The following ZNF704 variants were observed in gnomAD, a reference collection of about 807,000 sequenced individuals.
ZNF704 encodes the protein glucocorticoid induced gene 1.
A neutral mutation model predicts 44.7 loss-of-function variants in ZNF704; 10 were observed. The observed-to-expected ratio is 0.22, with a 90% CI of 0.14 to 0.38. The LOEUF (loss-of-function observed/expected upper bound fraction) is 0.38, where lower values mean the gene tolerates loss of function less well. Among genes scored for constraint, ZNF704 ranks in the 10% least tolerant of loss-of-function variants. The probability of loss-of-function intolerance (pLI) is 1.00; values close to 1 mark genes in which losing one functional copy is unlikely to be tolerated. For synonymous variants in ZNF704, 211 were observed against 207.6 expected (o/e 1.02, Z -0.14); for missense variants, 390 against 545.5 (o/e 0.71, Z 2.84).
At chr8:80,698,160 AAC>A (rs1470115467) in intron 2 of ZNF704, among the ~76,000 whole-genome samples, 5 of 152,240 alleles carry the variant, frequency 3.3e-5, no homozygotes, top group Non-Finnish European at 5.9e-5. Flanking sequence ...TGTAAAAATG[AAC>A]AGTCTCTACC....
At chr8:80,762,014 T>A (rs1248308707) in intron 2 of ZNF704, among the ~76,000 whole-genome samples, 4 of 152,246 alleles carry the variant, frequency 2.6e-5, no homozygotes, top group Admixed American at 2.6e-4. Context: ...AAAGGACATC[T>A]TCATTTACTG....
At chr8:80,770,289 T>C (rs189591813) in intron 2 of ZNF704, among the ~76,000 whole-genome samples, 226 of 152,308 alleles carry the variant, frequency 1.5e-3, no homozygotes, top group African/African-American at 5.2e-3. Context: ...TGAGGATTCC[T>C]CACGATGTCC....
intron 7 of ZNF704, among the ~76,000 whole-genome samples, chr8:80,643,789 G>C (rs1041907004): frequency 6.6e-6 from 1 of 152,136 alleles, no homozygotes; most frequent in Non-Finnish European, 1.5e-5. Flanking sequence ...CATGAACCCT[G>C]TCAAGTAGGG....
At chr8:80,806,795 G>C (rs1807997741) in intron 2 of ZNF704, among the ~76,000 whole-genome samples, 1 of 152,202 alleles carries the variant, frequency 6.6e-6, no homozygotes, top group African/African-American at 2.4e-5. Context: ...TTAAAGAAAA[G>C]GCTGACACCA....
intron 2 of ZNF704, among the ~76,000 whole-genome samples, chr8:80,725,891 CT>C (rs1467577418): frequency 6.6e-6 from 1 of 152,004 alleles, no homozygotes; most frequent in Admixed American, 6.6e-5. Context: ...AAAGAAATTT[CT>C]TTTAAAAAGG....
At chr8:80,749,313 C>A (rs1330491025) in intron 2 of ZNF704, among the ~76,000 whole-genome samples, 1 of 152,134 alleles carries the variant, frequency 6.6e-6, no homozygotes, top group African/African-American at 2.4e-5. Flanking sequence ...CCTCGCCCCA[C>A]TTTTTGTCTT....
At chr8:80,641,548 TC>T in intron 8 of ZNF704, 71 bp from the exon 9 acceptor site, 1 of 792,176 alleles carries the variant, frequency 1.3e-6, no homozygotes. Context: ...AGCTCAAAAA[TC>T]CCTTGCAAGA....
chr8:80,768,071 AC>A (rs1389291353), intron 2 of ZNF704, among the ~76,000 whole-genome samples: 2 of 152,156 alleles, frequency 1.3e-5, no homozygotes, highest in Admixed American at 6.5e-5. Context: ...GCATGTTGCA[AC>A]ACAAGCTTTG....
chr8:80,866,652 G>A lies in ZNF704; in HGVS notation c.-22+7919C>T, dbSNP rs78979001. On this transcript the variant is annotated intron_variant, in intron 1 of 8. Coordinates refer to ENST00000327835, the MANE Select transcript of ZNF704 (RefSeq NM_001033723.3). The stretch of plus-strand genomic sequence containing the variant: ...GCTGATTGTTTCAGGAACATCAGAA[G>A]TTTGGATATTATACAATGACATGGG... Among the ~76,000 whole-genome samples the A allele has an allele frequency of 6.5e-3, 989 of 152,252 alleles. 10 individuals are homozygous for A. Among genetic ancestry groups the A allele is most frequent in the African/African-American group, 0.022 (926 of 41,558 alleles).
At chr8:80,661,901 C>A (rs886219682) in intron 6 of ZNF704, among the ~76,000 whole-genome samples, 1 of 152,054 alleles carries the variant, frequency 6.6e-6, no homozygotes, top group Non-Finnish European at 1.5e-5. Flanking sequence ...CTATAGCTAA[C>A]AACAATGTAT....
At chr8:80,659,872 A>G (rs1019796031) in intron 6 of ZNF704, among the ~76,000 whole-genome samples, 183 bp from the exon 7 acceptor site, 9 of 152,200 alleles carry the variant, frequency 5.9e-5, no homozygotes, top group Admixed American at 1.3e-4. Flanking sequence ...CTTTGTATAT[A>G]TACCTAAGCA....
intron 5 of ZNF704, 87 bp from the exon 6 acceptor site, chr8:80,665,169 G>A: frequency 6.9e-7 from 1 of 1,446,136 alleles, no homozygotes; most frequent in Non-Finnish European, 9.5e-7. Flanking sequence ...CCTCTGTCTG[G>A]AATGCTTTTC....
chr8:80,759,242 A>T (rs1428771479), intron 2 of ZNF704, among the ~76,000 whole-genome samples: 1 of 151,238 alleles, frequency 6.6e-6, no homozygotes, highest in Non-Finnish European at 1.5e-5. Context: ...GATGGACCCT[A>T]GAGTAACATT....
At chr8:80,667,251 T>G (rs1818209878) in intron 5 of ZNF704, among the ~76,000 whole-genome samples, 2 of 152,188 alleles carry the variant, frequency 1.3e-5, no homozygotes, top group Non-Finnish European at 2.9e-5. Flanking sequence ...GGCGATGGCT[T>G]TGGCTTGCAT....
rs999842101 is a variant in ZNF704 at position 80,823,278 on chromosome 8, G to A, written c.-21-1663C>T. ...ACAGCACACCAGGAGACTATATCCC[G>A]TGCCTGGCTCGGAGGGTCCCACACC... On this transcript the variant is annotated intron_variant, in intron 1 of 8. Transcript: ENST00000327835. Among the ~76,000 whole-genome samples the A allele has an allele frequency of 4.6e-5, 7 of 152,306 alleles. No individual in the cohort carries two copies. In the East Asian group the frequency reaches 9.6e-4, roughly 21 times the overall value.
intron 4 of ZNF704, among the ~76,000 whole-genome samples, chr8:80,681,054 T>A (rs946690822): frequency 6.6e-6 from 1 of 152,216 alleles, no homozygotes; most frequent in Non-Finnish European, 1.5e-5. Flanking sequence ...AGTAGTTTGC[T>A]CCCTTTTATG....
intron 2 of ZNF704, among the ~76,000 whole-genome samples, chr8:80,730,902 CAAAT>C (rs368802502): frequency 3.9e-5 from 6 of 152,154 alleles, no homozygotes; most frequent in East Asian, 3.9e-4. Flanking sequence ...ACTGAAGAAA[CAAAT>C]AGATTCATAT....
At position 80,699,902 on chromosome 8, in the gene ZNF704, C is replaced by A. The variant is rs373171989; in HGVS notation, c.222-6795G>T. Among the ~76,000 whole-genome samples the A allele has an allele frequency of 3.4e-4, 52 of 152,304 alleles. 1 individual carries two copies. The South Asian group carries it at 0.01, about 30-fold the overall frequency. On this transcript the variant is annotated intron_variant, in intron 2 of 8. Transcript: ENST00000327835. The stretch of plus-strand genomic sequence containing the variant: ...CCCTTGCATGACCTCACCCTCTCCC[C>A]TTTTACCATACCCAGGCTCTCCCTT...
chr8:80,766,236 T>C (rs1485188358), intron 2 of ZNF704, among the ~76,000 whole-genome samples: 1 of 152,158 alleles, frequency 6.6e-6, no homozygotes, highest in East Asian at 1.9e-4. Flanking sequence ...CTCCAATATT[T>C]TTTTTTAATG....
Sources: gnomAD v4.1 joint callset for allele counts (sites outside exome capture counted in the v4.1 genomes callset) on GRCh38, gnomAD v4.1.1 for gene constraint, MANE v1.5 for transcripts, NCBI Gene and HGNC (gene_info 2026-07-23, HGNC 2026-07-21) for gene names.